Variants in ATL2 observed in about 807,000 individuals in gnomAD.
The protein encoded by ATL2 is atlastin GTPase 2.
Under a neutral mutation model 73.9 loss-of-function variants are expected in ATL2, and 31 were observed. The ratio of observed to expected loss-of-function variants is 0.42; its 90% CI spans 0.32 to 0.57. ATL2 has a LOEUF of 0.57. ATL2 is among the 20% of genes least tolerant of loss of function. The pLI is 0.14. For missense variants in ATL2, 738 were observed against 702.6 expected (o/e 1.05, Z -0.57); for synonymous variants, 291 against 237.5 (o/e 1.23, Z -2.07).
intron 2 of ATL2, among the ~76,000 whole-genome samples, chr2:38,320,473 G>C (rs1668258841): frequency 6.6e-6 from 1 of 152,122 alleles, no homozygotes; most frequent in African/African-American, 2.4e-5. Flanking sequence ...CTTTATTTTA[G>C]GGTATGTTTA....
intron 4 of ATL2, 103 bp from the exon 5 acceptor site, chr2:38,315,437 C>T (rs1397792274): frequency 6.8e-6 from 8 of 1,181,466 alleles, no homozygotes; most frequent in Non-Finnish European, 9.2e-6. Flanking sequence ...TGTATCTCAG[C>T]GCAAAGGAAT....
intron 6 of ATL2, among the ~76,000 whole-genome samples, chr2:38,314,314 T>C (rs948932701): frequency 6.6e-6 from 1 of 152,180 alleles, no homozygotes; most frequent in African/African-American, 2.4e-5. Flanking sequence ...ATGGCATGAC[T>C]GTCATATATT....
At position 38,345,160 on chromosome 2, in the gene ATL2, G is replaced by C. The variant is rs570438586; in HGVS notation, c.119-1648C>G. The stretch of plus-strand genomic sequence containing the variant: ...TTCTCCCACATCAAAATTTCTAAGA[G>C]ATCCCCTCCTTGAGCCTGTCTACTA... On this transcript the variant is annotated intron_variant, in intron 1 of 12. Coordinates refer to ENST00000378954, the MANE Select transcript of ATL2 (RefSeq NM_001135673.4). Among the ~76,000 whole-genome samples, 7 of 152,136 alleles carry C rather than the reference G, an allele frequency of 4.6e-5. 1 individual carries two copies. The South Asian group carries it at 1.2e-3, about 27-fold the overall frequency.
At chr2:38,329,147 C>T (rs1207426997) in intron 2 of ATL2, among the ~76,000 whole-genome samples, 2 of 144,700 alleles carry the variant, frequency 1.4e-5, no homozygotes, top group East Asian at 4.1e-4. Context: ...AAAAAAAAGG[C>T]CAGGCGTGGT....
upstream of ATL2, among the ~76,000 whole-genome samples, chr2:38,378,335 G>T (rs190314588): frequency 1.2e-4 from 18 of 152,286 alleles, no homozygotes; most frequent in Admixed American, 3.9e-4. Context: ...ACGCCTCCCG[G>T]GTTCAAGCAA....
In ATL2 at chr2:38,305,078, CA is replaced by C. The variant is rs368555876; in HGVS notation, c.1071+4300del. On this transcript the variant is annotated intron_variant, in intron 9 of 12. Transcript: ENST00000378954. The stretch of plus-strand genomic sequence containing the variant: ...AAAGATACTCCATGCAAATGGAAAC[CA>C]AAAAAAAAGAGCAGAAGAAGCTACA... Among the ~76,000 whole-genome samples, 69 of 148,684 alleles carry C rather than the reference CA, an allele frequency of 4.6e-4. No individual in the cohort carries two copies. The East Asian group carries it at 7.1e-3, about 15-fold the overall frequency.
intron 1 of ATL2, among the ~76,000 whole-genome samples, chr2:38,372,021 A>G (rs919352316): frequency 6.6e-6 from 1 of 152,094 alleles, no homozygotes; most frequent in Non-Finnish European, 1.5e-5. Flanking sequence ...TTAAAGATGG[A>G]TGTAGTTCTA....
chr2:38,334,907 AATATATAAATATATT>A (rs1669249649), intron 2 of ATL2, among the ~76,000 whole-genome samples: 1 of 139,030 alleles, frequency 7.2e-6, no homozygotes, highest in East Asian at 2.0e-4. Flanking sequence ...TATTATTTAT[AATATATAAATATATT>A]TATATATTAT....
chr2:38,305,748 C>T (rs902354032), intron 9 of ATL2, among the ~76,000 whole-genome samples: 8 of 150,730 alleles, frequency 5.3e-5, no homozygotes, highest in Non-Finnish European at 8.9e-5. Flanking sequence ...AAAACGGAAA[C>T]ACAACATACC....
chr2:38,377,226 T>G lies in ATL2; in HGVS notation c.35A>C (p.Gln12Pro), dbSNP rs753539116. ...CCGGCGCCACAGCCCCTGGTGCGGTTGCTGCCCTCGCGCTGCCTCGTCCCC... is the reference window on the plus strand; with the variant it reads ...CCGGCGCCACAGCCCCTGGTGCGGTGGCTGCCCTCGCGCTGCCTCGTCCCC... ...AEGDEAARGQ[Q>P]PHQGLWRRRR... is the part of the protein sequence containing the mutation. Residue 12 changes from glutamine (Q) to proline (P), a missense_variant, in exon 1 of 13, where the codon CAA becomes CCA. Physicochemically the swap from Gln to Pro is moderately conservative, Grantham distance 76. Transcript: ENST00000378954. The G allele has an allele frequency of 1.2e-6, 2 of 1,605,174 alleles. No homozygotes were observed. Among genetic ancestry groups the G allele is most frequent in the Non-Finnish European group, 1.7e-6 (2 of 1,176,674 alleles).
At chr2:38,372,963 TTATA>T (rs1010037300) in intron 1 of ATL2, among the ~76,000 whole-genome samples, 2 of 152,220 alleles carry the variant, frequency 1.3e-5, no homozygotes, top group Non-Finnish European at 2.9e-5. Context: ...AATATACACA[TTATA>T]TATAATAGCA....
intron 4 of ATL2, 25 bp downstream of exon 4, chr2:38,318,510 C>A: frequency 1.3e-6 from 2 of 1,510,174 alleles, no homozygotes; most frequent in South Asian, 1.2e-5. Context: ...GTGAACTGAT[C>A]GCACCACTTA....
At chr2:38,371,630 G>C (rs1458356638) in intron 1 of ATL2, among the ~76,000 whole-genome samples, 1 of 152,154 alleles carries the variant, frequency 6.6e-6, no homozygotes, top group Non-Finnish European at 1.5e-5. Flanking sequence ...GGGTGCGGTG[G>C]CTCATGTCTG....
At chr2:38,350,143 C>G (rs769597296) in intron 1 of ATL2, among the ~76,000 whole-genome samples, 2 of 152,168 alleles carry the variant, frequency 1.3e-5, no homozygotes, top group South Asian at 2.1e-4. Context: ...ACTGAAGTTA[C>G]GTCCTGTGTA....
intron 1 of ATL2, among the ~76,000 whole-genome samples, chr2:38,355,714 T>C (rs922736537): frequency 6.6e-6 from 1 of 151,426 alleles, no homozygotes; most frequent in Non-Finnish European, 1.5e-5. Flanking sequence ...TTTTTTTTTT[T>C]TTTTTCTTTG....
chr2:38,343,651 T>C (rs1669859093), intron 1 of ATL2, 139 bp from the exon 2 acceptor site: 1 of 768,986 alleles, frequency 1.3e-6, no homozygotes, highest in African/African-American at 1.8e-5. Flanking sequence ...TTCCTTTGGA[T>C]TTCTCACTCC....
intron 1 of ATL2, among the ~76,000 whole-genome samples, chr2:38,363,016 T>C (rs563649432): frequency 1.4e-4 from 22 of 152,266 alleles, no homozygotes; most frequent in Non-Finnish European, 2.9e-4. Context: ...TTGTAGCTTT[T>C]ACTACAGAAG....
At chr2:38,373,125 T>C (rs1287853373) in intron 1 of ATL2, among the ~76,000 whole-genome samples, 1 of 152,188 alleles carries the variant, frequency 6.6e-6, no homozygotes, top group African/African-American at 2.4e-5. Flanking sequence ...CACTACCTTA[T>C]ATGAGGGCTC....
intron 1 of ATL2, among the ~76,000 whole-genome samples, chr2:38,375,506 T>C (rs1348784566): frequency 6.6e-6 from 1 of 152,126 alleles, no homozygotes; most frequent in Non-Finnish European, 1.5e-5. Flanking sequence ...AAGAGTATCA[T>C]CTCTTCTCAA....
Sources: gnomAD v4.1 joint callset for allele counts (sites outside exome capture counted in the v4.1 genomes callset) on GRCh38, gnomAD v4.1.1 for gene constraint, MANE v1.5 for transcripts, NCBI Gene and HGNC (gene_info 2026-07-23, HGNC 2026-07-21) for gene names.